Variants in SAXO5 observed in about 807,000 individuals in gnomAD.
SAXO5 encodes stabilizer of axonemal microtubules 5.
At chr19:7,502,373 G>T in the SAXO5 span, among the ~76,000 whole-genome samples, 1 of 152,122 alleles carries the variant, frequency 6.6e-6, no homozygotes, top group Non-Finnish European at 1.5e-5. Context: ...ACCTCCCAAA[G>T]TGCTGGGATT....
the SAXO5 span, chr19:7,506,419 T>G: frequency 3.8e-6 from 2 of 520,134 alleles, no homozygotes; most frequent in African/African-American, 2.1e-5. Context: ...ACTCTGCTCC[T>G]GGATAATCCC....
At chr19:7,500,525 G>A in the SAXO5 span, among the ~76,000 whole-genome samples, 1 of 152,056 alleles carries the variant, frequency 6.6e-6, no homozygotes, top group African/African-American at 2.4e-5. Context: ...GGCCAGGCTG[G>A]TCTCGAACTC....
chr19:7,505,286 T>C, the SAXO5 span: 1 of 1,603,396 alleles, frequency 6.2e-7, no homozygotes. Context: ...CCCAGCCCAC[T>C]TTACCTTATT....
At chr19:7,505,934 G>C in the SAXO5 span, 1 of 1,536,750 alleles carries the variant, frequency 6.5e-7, no homozygotes, top group South Asian at 1.2e-5. Flanking sequence ...CTCGGACGCC[G>C]GAGCTTTCAA....
the SAXO5 span, among the ~76,000 whole-genome samples, chr19:7,504,730 G>A: frequency 6.6e-6 from 1 of 151,408 alleles, no homozygotes; most frequent in East Asian, 1.9e-4. Context: ...AGTGGGGGAC[G>A]AGGGGGCACT....
chr19:7,498,437 C>A, the SAXO5 span, among the ~76,000 whole-genome samples: 8 of 138,732 alleles, frequency 5.8e-5, no homozygotes, highest in Non-Finnish European at 9.2e-5. Flanking sequence ...GCTCTTGTTG[C>A]CCAGGCTGGA....
chr19:7,501,634 C>A, the SAXO5 span, among the ~76,000 whole-genome samples: 1 of 151,048 alleles, frequency 6.6e-6, no homozygotes, highest in Admixed American at 6.6e-5. Context: ...CCAGCCTGGC[C>A]AATATGGAGG....
At chr19:7,507,588 G>GA in the SAXO5 span, among the ~76,000 whole-genome samples, 43,604 of 146,530 alleles carry the variant, frequency 0.3, 6,535 homozygotes, top group Non-Finnish European at 0.34. Flanking sequence ...TCAAAAAAAG[G>GA]AAAAAAAAAA....
chr19:7,505,882 C>T, the SAXO5 span: 2 of 1,376,628 alleles, frequency 1.5e-6, no homozygotes, highest in Non-Finnish European at 2.0e-6. Context: ...TCCAAGGTCA[C>T]ACAGAGCCCA....
chr19:7,497,954 C>A, the SAXO5 span, among the ~76,000 whole-genome samples: 1 of 152,078 alleles, frequency 6.6e-6, no homozygotes, highest in African/African-American at 2.4e-5. Flanking sequence ...AGTTCGAGAC[C>A]AGGCTGGCCA....
chr19:7,501,919 AAGGG>A, the SAXO5 span, among the ~76,000 whole-genome samples: 250 of 51,112 alleles, frequency 4.9e-3, no homozygotes, highest in African/African-American at 0.027. Context: ...GACAGAGAGG[AAGGG>A]AGGGAGGGAG....
At chr19:7,501,934 G>A in the SAXO5 span, among the ~76,000 whole-genome samples, 3 of 141,802 alleles carry the variant, frequency 2.1e-5, no homozygotes, top group Non-Finnish European at 4.6e-5. Context: ...AGGGAGGGAG[G>A]GAGGAAGACT....
At chr19:7,501,109 T>A in the SAXO5 span, 2 of 1,504,990 alleles carry the variant, frequency 1.3e-6, no homozygotes, top group Admixed American at 2.1e-5. Context: ...CCGTGGGAGC[T>A]GCTGCAAGCG....
chr19:7,503,281 C>T, the SAXO5 span, among the ~76,000 whole-genome samples: 43 of 152,048 alleles, frequency 2.8e-4, no homozygotes, highest in African/African-American at 9.4e-4. Context: ...GCAGGAGAAT[C>T]GCTTGAACCT....
At chr19:7,506,783 C>T in the SAXO5 span, 1 of 472,302 alleles carries the variant, frequency 2.1e-6, no homozygotes, top group South Asian at 2.3e-5. Flanking sequence ...TCTCTCCTCC[C>T]CTGGCTCCTT....
At chr19:7,504,676 A>C in the SAXO5 span, among the ~76,000 whole-genome samples, 2 of 150,320 alleles carry the variant, frequency 1.3e-5, no homozygotes, top group Non-Finnish European at 3.0e-5. Flanking sequence ...ACTGCACTCC[A>C]GCCTGTTCGA....
the SAXO5 span, chr19:7,497,708 T>G: frequency 6.6e-6 from 1 of 152,180 alleles, no homozygotes; most frequent in South Asian, 2.1e-4. Context: ...TCGTCCCTGA[T>G]GTACAGAGGT....
the SAXO5 span, chr19:7,506,378 T>G: frequency 1.8e-6 from 1 of 553,620 alleles, no homozygotes. Flanking sequence ...CCTGAAAGGC[T>G]AAATCCCACC....
chr19:7,506,190 C>A, the SAXO5 span: 1 of 1,544,528 alleles, frequency 6.5e-7, no homozygotes, highest in South Asian at 1.2e-5. Flanking sequence ...GAAGCCCCGC[C>A]CCATGGAGCC....
Sources: gnomAD v4.1 joint callset for allele counts (sites outside exome capture counted in the v4.1 genomes callset) on GRCh38, gnomAD v4.1.1 for gene constraint, MANE v1.5 for transcripts, NCBI Gene and HGNC (gene_info 2026-07-23, HGNC 2026-07-21) for gene names.